CYP4Z1: variants seen among roughly 807,000 people sequenced by gnomAD.
The protein encoded by CYP4Z1 is cytochrome P450 4Z1.
Under a neutral mutation model 54.2 loss-of-function variants are expected in CYP4Z1, and 41 were observed. That is an observed-to-expected ratio of 0.76 (90% CI 0.59 to 0.98). The LOEUF is 0.98. CYP4Z1 is among the 50% of genes least tolerant of loss of function. The probability of loss-of-function intolerance (pLI) is 0.00; values close to 1 mark genes in which losing one functional copy is unlikely to be tolerated. For synonymous variants in CYP4Z1, 163 were observed against 206.2 expected, an observed-to-expected ratio of 0.79 and a Z score of 1.79; for missense variants, 513 against 599.0, an observed-to-expected ratio of 0.86 and a Z score of 1.50.
Position 47,113,731 on chromosome 1 carries a change from C to A in CYP4Z1, c.1202-1798C>A, listed in dbSNP as rs1257758021. 4.6e-5 allele frequency among the ~76,000 whole-genome samples: 7 copies of A among 152,256 alleles called. 1 individual carries two copies. Among genetic ancestry groups the A allele is most frequent in the Admixed American group, 4.6e-4 (7 of 15,286 alleles). ...GAGAATAAAATATCTAGGAATCCAA[C>A]TTACAAGGGATGTGAAGGACCTCTT... On this transcript the variant is annotated intron_variant, in intron 9 of 11. Transcript: ENST00000334194.
At chr1:47,106,315 G>A in intron 9 of CYP4Z1, 54 bp downstream of exon 9, 1 of 1,563,840 alleles carries the variant, frequency 6.4e-7, no homozygotes, top group Non-Finnish European at 8.7e-7. Context: ...GGATTGAAAT[G>A]TCTTAACATA....
At chr1:47,077,171 G>C (rs908696570) in intron 2 of CYP4Z1, among the ~76,000 whole-genome samples, 3 of 150,776 alleles carry the variant, frequency 2.0e-5, no homozygotes, top group African/African-American at 7.5e-5. Context: ...TTATTGAAAG[G>C]GATGTAGTGA....
chr1:47,067,785 T>C (rs910994960), intron 1 of CYP4Z1, 118 bp downstream of exon 1: 10 of 930,996 alleles, frequency 1.1e-5, no homozygotes, highest in African/African-American at 8.5e-5. Flanking sequence ...ACCAATCTCA[T>C]TGTGATTTTT....
chr1:47,115,513 T>C lies in CYP4Z1; in HGVS notation c.1202-16T>C. The C allele has an allele frequency of 2.5e-6, 4 of 1,611,214 alleles. No individual in the cohort carries two copies. Among genetic ancestry groups the C allele is most frequent in the Non-Finnish European group, 3.4e-6 (4 of 1,178,912 alleles). Reference sequence around the variant, plus strand: ...TTCGCTCATGCACTTACCTGCTTTTTCTTCTGTTTACTCAGGAATAACTGT... The same window carrying C: ...TTCGCTCATGCACTTACCTGCTTTTCCTTCTGTTTACTCAGGAATAACTGT... On this transcript the variant is annotated splice_polypyrimidine_tract_variant and intron_variant, in intron 9 of 11. Transcript: ENST00000334194.
chr1:47,093,940 A>G (rs1371087713), intron 6 of CYP4Z1, among the ~76,000 whole-genome samples: 8 of 152,174 alleles, frequency 5.3e-5, no homozygotes, highest in Non-Finnish European at 1.0e-4. Flanking sequence ...CCAGGCATAG[A>G]ACTTTGTCAT....
intron 9 of CYP4Z1, 145 bp from the exon 10 acceptor site, chr1:47,115,384 C>A (rs1644822276): frequency 1.5e-6 from 1 of 658,028 alleles, no homozygotes; most frequent in South Asian, 1.7e-5. Flanking sequence ...CAACATGGCA[C>A]ATGTATACAT....
chr1:47,065,894 A>G (rs1644447020), upstream of CYP4Z1, among the ~76,000 whole-genome samples: 1 of 152,178 alleles, frequency 6.6e-6, no homozygotes, highest in Non-Finnish European at 1.5e-5. Context: ...CAAGACTTCC[A>G]TGAATGCCTT....
At chr1:47,100,621 C>A (rs7523898) in intron 8 of CYP4Z1, among the ~76,000 whole-genome samples, 3 of 152,128 alleles carry the variant, frequency 2.0e-5, no homozygotes, top group African/African-American at 7.2e-5. Context: ...TACTTAATAA[C>A]GGCCTCAAAG....
At chr1:47,095,448 C>T (rs1003613847) in intron 7 of CYP4Z1, among the ~76,000 whole-genome samples, 8 of 152,180 alleles carry the variant, frequency 5.3e-5, no homozygotes, top group Non-Finnish European at 1.0e-4. Flanking sequence ...TGGCAATCAA[C>T]AGTCACTCAA....
chr1:47,058,794 T>A, the CYP4Z1 span, among the ~76,000 whole-genome samples: 1 of 152,132 alleles, frequency 6.6e-6, no homozygotes, highest in Non-Finnish European at 1.5e-5. Context: ...GTAGAGTCCT[T>A]TCTATAGTAA....
At chr1:47,098,199 C>T (rs1644692635) in intron 7 of CYP4Z1, among the ~76,000 whole-genome samples, 1 of 152,250 alleles carries the variant, frequency 6.6e-6, no homozygotes, top group South Asian at 2.1e-4. Context: ...ATCTATAAAT[C>T]GCTTTGGGCA....
intron 8 of CYP4Z1, among the ~76,000 whole-genome samples, chr1:47,099,882 T>C (rs1644708782): frequency 6.6e-6 from 1 of 152,210 alleles, no homozygotes; most frequent in African/African-American, 2.4e-5. Context: ...GCTTAAAATG[T>C]TGTCTAACAA....
At chr1:47,117,684 G>C (rs558355814) in intron 11 of CYP4Z1, 82 bp from the exon 12 acceptor site, 18 of 1,424,980 alleles carry the variant, frequency 1.3e-5, no homozygotes, top group Non-Finnish European at 1.6e-5. Flanking sequence ...TACAAAAGTC[G>C]TCATATATAA....
intron 9 of CYP4Z1, among the ~76,000 whole-genome samples, chr1:47,108,687 A>G (rs953887751): frequency 6.6e-6 from 1 of 152,150 alleles, no homozygotes; most frequent in African/African-American, 2.4e-5. Context: ...TGCATATTAA[A>G]CATTTGCTCT....
At chr1:47,064,176 G>A (rs1322811523), upstream of CYP4Z1, among the ~76,000 whole-genome samples, 1 of 148,720 alleles carries the variant, frequency 6.7e-6, no homozygotes, top group Non-Finnish European at 1.5e-5. Context: ...TCTGCCTCCT[G>A]GGTTCAAGTG....
At chr1:47,065,690 C>A (rs1476334619), upstream of CYP4Z1, among the ~76,000 whole-genome samples, 1 of 151,622 alleles carries the variant, frequency 6.6e-6, no homozygotes, top group African/African-American at 2.4e-5. Context: ...CAGGGCAGAA[C>A]TAAATGAAAT....
chr1:47,083,916 G>A (rs530222683), intron 4 of CYP4Z1, among the ~76,000 whole-genome samples: 57 of 152,112 alleles, frequency 3.7e-4, no homozygotes, highest in African/African-American at 8.4e-4. Context: ...TTTTAGTAAC[G>A]TGTTTGGAAA....
rs147993746 is a variant in CYP4Z1 at position 47,095,044 on chromosome 1, A to G, written c.876+375A>G. On this transcript the variant is annotated intron_variant, in intron 7 of 11. Coordinates refer to ENST00000334194, the MANE Select transcript of CYP4Z1 (RefSeq NM_178134.3). ...TTATATGATAACTGATACATATTGAACTTCCCTTGTGAAGATTTTCCTGCT... is the reference window on the plus strand; with the variant it reads ...TTATATGATAACTGATACATATTGAGCTTCCCTTGTGAAGATTTTCCTGCT... Among the ~76,000 whole-genome samples, 753 of 151,384 alleles carry G rather than the reference A, an allele frequency of 5.0e-3. 8 individuals are homozygous for G. The highest frequency in any genetic ancestry group is 0.017 in the African/African-American group (705 of 41,452).
At chr1:47,102,116 G>A (rs1378150200) in intron 8 of CYP4Z1, among the ~76,000 whole-genome samples, 2 of 151,898 alleles carry the variant, frequency 1.3e-5, no homozygotes, top group South Asian at 2.1e-4. Flanking sequence ...TTTTTCCATT[G>A]CTTTACTTTC....
Sources: gnomAD v4.1 joint callset for allele counts (sites outside exome capture counted in the v4.1 genomes callset) on GRCh38, gnomAD v4.1.1 for gene constraint, MANE v1.5 for transcripts, NCBI Gene and HGNC (gene_info 2026-07-23, HGNC 2026-07-21) for gene names.